The following GPHN variants were observed in gnomAD, a reference collection of about 807,000 sequenced individuals.
GPHN encodes the protein gephyrin.
A neutral mutation model predicts 95.5 loss-of-function variants in GPHN; 17 were observed. The observed-to-expected ratio is 0.18, with a 90% CI of 0.12 to 0.27. The LOEUF (loss-of-function observed/expected upper bound fraction) is 0.27, where lower values mean the gene tolerates loss of function less well. GPHN is among the 10% of genes least tolerant of loss of function. The pLI is 1.00. For missense variants in GPHN, 660 were observed against 978.1 expected, an observed-to-expected ratio of 0.67 and a Z score of 4.34; for synonymous variants, 320 against 322.5, an observed-to-expected ratio of 0.99 and a Z score of 0.08.
chr14:67,218,449 G>A, the GPHN span, among the ~76,000 whole-genome samples: 1 of 152,192 alleles, frequency 6.6e-6, no homozygotes, highest in Non-Finnish European at 1.5e-5. Context: ...GCTCACTGGG[G>A]ACAGCCTGTG....
At chr14:67,325,108 T>A in the GPHN span, among the ~76,000 whole-genome samples, 1 of 151,942 alleles carries the variant, frequency 6.6e-6, no homozygotes, top group Non-Finnish European at 1.5e-5. Context: ...GATTTCACCA[T>A]GTTAGCCAGG....
intron 1 of GPHN, among the ~76,000 whole-genome samples, chr14:66,553,333 CT>C (rs1468199504): frequency 6.6e-6 from 1 of 152,054 alleles, no homozygotes; most frequent in Admixed American, 6.5e-5. Context: ...TATTTGAGAA[CT>C]TTCTAGTCAC....
At chr14:66,631,259 G>C (rs557785915) in intron 1 of GPHN, among the ~76,000 whole-genome samples, 2 of 151,894 alleles carry the variant, frequency 1.3e-5, no homozygotes, top group East Asian at 3.9e-4. Flanking sequence ...ATGTTGGTCG[G>C]GCTGGTCTTG....
the GPHN span, chr14:67,586,169 G>C: frequency 6.5e-7 from 1 of 1,537,632 alleles, no homozygotes; most frequent in Non-Finnish European, 8.9e-7. Flanking sequence ...AAAGGAAACT[G>C]GGGTTATGCT....
rs1412366019 is a variant in GPHN at position 66,746,582 on chromosome 14, G to T, written c.144-29882G>T. Among the ~76,000 whole-genome samples, 969 of 152,222 alleles carry T rather than the reference G, an allele frequency of 6.4e-3. 12 individuals carry two copies. The highest frequency in any genetic ancestry group is 0.022 in the African/African-American group (923 of 41,518). On this transcript the variant is annotated intron_variant, in intron 2 of 22. Coordinates refer to ENST00000478722, the MANE Select transcript of GPHN (RefSeq NM_020806.5). ...TCAAATCCATAAATGGGCAGATCCA[G>T]GGTGAGTAAAAGTTCAAAACAACTT...
At chr14:67,526,400 G>A in the GPHN span, among the ~76,000 whole-genome samples, 6 of 152,188 alleles carry the variant, frequency 3.9e-5, no homozygotes, top group Non-Finnish European at 7.3e-5. Context: ...CCAAGCTGAC[G>A]GTCTTTGCAT....
In GPHN at chr14:67,180,967, ATGTCCACATATCAT is replaced by A. The variant is rs2083298151; in HGVS notation, c.*33_*46del. 6.2e-7 allele frequency: 1 copy of A among 1,610,216 alleles called. No homozygotes were observed. Among genetic ancestry groups the A allele is most frequent in the East Asian group, 2.2e-5 (1 of 44,860 alleles). On this transcript the variant is annotated 3_prime_UTR_variant, in exon 23 of 23. Coordinates refer to ENST00000478722, the MANE Select transcript of GPHN (RefSeq NM_020806.5). ...CACCAGCAGGAGAAAGCTTTGATGC[ATGTCCACATATCAT>A]TGACTGTATCCTGTAATATGCAACG...
intron 5 of GPHN, among the ~76,000 whole-genome samples, chr14:66,901,721 C>T (rs1294682662): frequency 2.6e-5 from 4 of 151,980 alleles, no homozygotes; most frequent in African/African-American, 7.2e-5. Context: ...TTATCTTCCC[C>T]ATTGGTCTCG....
chr14:66,865,418 A>G (rs949129768), intron 4 of GPHN, among the ~76,000 whole-genome samples: 1 of 152,128 alleles, frequency 6.6e-6, no homozygotes, highest in East Asian at 1.9e-4. Flanking sequence ...AATTTTTTAA[A>G]CTAAATTATT....
rs537633430 is a variant in GPHN, at chr14:66,982,281, G to A, written c.963+16956G>A. The stretch of plus-strand genomic sequence containing the variant: ...TTGGGAAACTGAGCTAAATCAAAGG[G>A]AATCAACATCACATATTAGTTTAGG... On this transcript the variant is annotated intron_variant, in intron 9 of 22. Transcript: ENST00000478722. Among the ~76,000 whole-genome samples, 10 of 152,016 alleles carry A rather than the reference G, an allele frequency of 6.6e-5. No homozygotes were observed. The East Asian group carries it at 1.7e-3, about 26-fold the overall frequency.
chr14:67,193,387 CTAGATATAT>C, the GPHN span, among the ~76,000 whole-genome samples: 1 of 136,550 alleles, frequency 7.3e-6, no homozygotes, highest in Non-Finnish European at 1.6e-5. Context: ...CTAGATATAT[CTAGATATAT>C]CTAGATATAT....
intron 4 of GPHN, among the ~76,000 whole-genome samples, chr14:66,841,880 A>AAAAAG (rs894441796): frequency 1.7e-4 from 26 of 152,082 alleles, no homozygotes; most frequent in Middle Eastern, 3.4e-3. Context: ...GTCTCTAGTA[A>AAAAAG]AAAAGAAAAG....
At chr14:67,450,027 A>T in the GPHN span, 4,081 of 153,760 alleles carry the variant, frequency 0.027, 77 homozygotes, top group Non-Finnish European at 0.037. Flanking sequence ...GTGCCATTGC[A>T]CTCCAGCCTG....
chr14:66,522,082 A>G (rs916421037), intron 1 of GPHN, among the ~76,000 whole-genome samples: 10 of 152,128 alleles, frequency 6.6e-5, no homozygotes, highest in South Asian at 2.1e-4. Flanking sequence ...GTGGCAATCA[A>G]TGGCTTAAAC....
the GPHN span, chr14:67,734,479 A>G: frequency 6.5e-6 from 1 of 154,760 alleles, no homozygotes; most frequent in Admixed American, 6.3e-5. Flanking sequence ...TCAGGGCAGC[A>G]AGGGAGAGAA....
At chr14:66,991,133 G>A (rs1413669552) in intron 9 of GPHN, among the ~76,000 whole-genome samples, 1 of 151,886 alleles carries the variant, frequency 6.6e-6, no homozygotes, top group Non-Finnish European at 1.5e-5. Context: ...CATAAAATGG[G>A]ATGTATTAGA....
At chr14:66,913,914 A>G (rs568456982) in intron 5 of GPHN, among the ~76,000 whole-genome samples, 2 of 152,298 alleles carry the variant, frequency 1.3e-5, no homozygotes, top group South Asian at 4.1e-4. Flanking sequence ...ATAGAGGAGG[A>G]GTACTTTCTT....
the GPHN span, among the ~76,000 whole-genome samples, chr14:67,563,812 C>A: frequency 6.8e-6 from 1 of 146,800 alleles, no homozygotes; most frequent in Admixed American, 6.9e-5. Flanking sequence ...CGGCTCACTG[C>A]AACCTCCGCC....
At chr14:67,562,289 C>T in the GPHN span, 23 of 1,613,670 alleles carry the variant, frequency 1.4e-5, no homozygotes, top group South Asian at 2.2e-4. Flanking sequence ...TGCACCTTCC[C>T]CAGGTGCCCT....
Sources: gnomAD v4.1 joint callset for allele counts (sites outside exome capture counted in the v4.1 genomes callset) on GRCh38, gnomAD v4.1.1 for gene constraint, MANE v1.5 for transcripts, NCBI Gene and HGNC (gene_info 2026-07-23, HGNC 2026-07-21) for gene names.